DEPTOR: variants seen among roughly 807,000 people sequenced by gnomAD.
The protein encoded by DEPTOR is DEP domain containing MTOR interacting protein, also known as DEP domain-containing mTOR-interacting protein.
DEPTOR carries 41 observed loss-of-function variants against 41.6 expected under a neutral mutation model. The ratio of observed to expected loss-of-function variants is 0.98; its 90% confidence interval spans 0.77 to 1.28. The LOEUF (loss-of-function observed/expected upper bound fraction) is 1.28, where lower values mean the gene tolerates loss of function less well. DEPTOR is among the 50% of genes most tolerant of loss of function. The probability of loss-of-function intolerance (pLI) is 0.00; values close to 1 mark genes in which losing one functional copy is unlikely to be tolerated. For missense variants in DEPTOR, 514 were observed against 527.9 expected (o/e 0.97, Z 0.26); for synonymous variants, 195 against 192.3 (o/e 1.01, Z -0.12).
intron 1 of DEPTOR, among the ~76,000 whole-genome samples, chr8:119,912,897 T>A (rs6993186): frequency 0.22 from 33,398 of 152,084 alleles, 4,241 homozygotes; most frequent in African/African-American, 0.34. Flanking sequence ...GATCAGAATC[T>A]AGCTTTGTTT....
At chr8:119,959,561 CTG>C (rs1391158541) in intron 3 of DEPTOR, among the ~76,000 whole-genome samples, 2 of 150,788 alleles carry the variant, frequency 1.3e-5, no homozygotes, top group Non-Finnish European at 2.9e-5. Flanking sequence ...GAGTCTTGCT[CTG>C]TCACCCAGGC....
At chr8:119,971,670 C>T (rs1432157991) in intron 4 of DEPTOR, among the ~76,000 whole-genome samples, 1 of 152,130 alleles carries the variant, frequency 6.6e-6, no homozygotes, top group Non-Finnish European at 1.5e-5. Flanking sequence ...CTTTGGGGGA[C>T]ACAGAGGATT....
chr8:119,904,154 G>A (rs7461290), intron 1 of DEPTOR, among the ~76,000 whole-genome samples: 75,174 of 150,672 alleles, frequency 0.5, 20,439 homozygotes, highest in East Asian at 0.92. Flanking sequence ...GTCTAACTCC[G>A]TCTCCCAGGT....
At chr8:119,874,387 T>A (rs1034604467) in intron 1 of DEPTOR, 40 of 205,886 alleles carry the variant, frequency 1.9e-4, no homozygotes, top group African/African-American at 8.0e-4. Flanking sequence ...GCCCCTCTAC[T>A]CCTTGATAAA....
At chr8:119,917,966 T>C (rs1827836083) in intron 1 of DEPTOR, among the ~76,000 whole-genome samples, 1 of 152,230 alleles carries the variant, frequency 6.6e-6, no homozygotes, top group African/African-American at 2.4e-5. Flanking sequence ...CAGCACTTAA[T>C]TCTTTACCTT....
At chr8:119,974,082 GGAAGA>G (rs1350115125) in intron 4 of DEPTOR, among the ~76,000 whole-genome samples, 1 of 151,866 alleles carries the variant, frequency 6.6e-6, no homozygotes, top group African/African-American at 2.4e-5. Context: ...GGGAAAAAGG[GGAAGA>G]GGAGAGGGAA....
intron 1 of DEPTOR, among the ~76,000 whole-genome samples, chr8:119,889,578 G>C (rs868358381): frequency 2.0e-5 from 1 of 51,028 alleles, no homozygotes; most frequent in Non-Finnish European, 5.0e-5. Context: ...AGAGGAGACG[G>C]GAGGGGAGAG....
chr8:119,948,743 C>A (rs1828314545), intron 3 of DEPTOR, among the ~76,000 whole-genome samples: 1 of 151,962 alleles, frequency 6.6e-6, no homozygotes, highest in Non-Finnish European at 1.5e-5. Context: ...AAACATTAAT[C>A]TACTTTCTGT....
chr8:120,015,018 A>C (rs1201699690), intron 8 of DEPTOR, among the ~76,000 whole-genome samples: 2 of 151,984 alleles, frequency 1.3e-5, no homozygotes, highest in Non-Finnish European at 2.9e-5. Flanking sequence ...GTCAGGGAGA[A>C]TTTTTACATT....
chr8:119,963,292 A>T (rs549981237), intron 3 of DEPTOR, among the ~76,000 whole-genome samples: 1 of 152,000 alleles, frequency 6.6e-6, no homozygotes, highest in South Asian at 2.1e-4. Flanking sequence ...AAACCAATAG[A>T]GTGTGATTGA....
At chr8:119,976,510 T>C (rs954999420) in intron 4 of DEPTOR, among the ~76,000 whole-genome samples, 1 of 152,138 alleles carries the variant, frequency 6.6e-6, no homozygotes, top group African/African-American at 2.4e-5. Flanking sequence ...TTTCTTTGAA[T>C]AGAAGCAGCT....
At chr8:119,968,933 T>C (rs955986158) in intron 4 of DEPTOR, among the ~76,000 whole-genome samples, 3 of 151,894 alleles carry the variant, frequency 2.0e-5, no homozygotes, top group Admixed American at 2.0e-4. Context: ...GTCTCTACTA[T>C]AAAAACAAAA....
intron 4 of DEPTOR, among the ~76,000 whole-genome samples, chr8:119,995,750 G>A (rs1812250564): frequency 6.6e-6 from 1 of 152,124 alleles, no homozygotes; most frequent in Non-Finnish European, 1.5e-5. Flanking sequence ...AGCAGATGAA[G>A]GTGTCATATT....
chr8:119,983,487 C>T (rs746342737), intron 4 of DEPTOR, among the ~76,000 whole-genome samples: 3 of 152,044 alleles, frequency 2.0e-5, no homozygotes, highest in African/African-American at 4.8e-5. Context: ...CAGGTTCAAG[C>T]GATTCTCCTG....
chr8:119,997,183 G>A (rs1021542999), intron 4 of DEPTOR, among the ~76,000 whole-genome samples: 82 of 151,850 alleles, frequency 5.4e-4, no homozygotes, highest in African/African-American at 1.8e-3. Flanking sequence ...GGCCTCAAGC[G>A]ATCCTCCCAT....
At chr8:119,977,330 G>A (rs187660821) in intron 4 of DEPTOR, among the ~76,000 whole-genome samples, 172 of 152,026 alleles carry the variant, frequency 1.1e-3, no homozygotes, top group Non-Finnish European at 2.6e-4. Flanking sequence ...AGATGAAGAC[G>A]TTGAGGCATT....
At chr8:120,025,024 G>T (rs1362727299) in intron 8 of DEPTOR, among the ~76,000 whole-genome samples, 1 of 152,178 alleles carries the variant, frequency 6.6e-6, no homozygotes, top group Non-Finnish European at 1.5e-5. Context: ...CACTGTGGCA[G>T]GTACTGAGGA....
chr8:119,902,883 G>A (rs779306385), intron 1 of DEPTOR, among the ~76,000 whole-genome samples: 4 of 151,810 alleles, frequency 2.6e-5, no homozygotes, highest in Admixed American at 1.3e-4. Context: ...CTTGAGGGTC[G>A]TGCCACTTTG....
chr8:120,039,096 G>A (rs965398633), intron 8 of DEPTOR, among the ~76,000 whole-genome samples: 4 of 152,182 alleles, frequency 2.6e-5, no homozygotes, highest in Non-Finnish European at 5.9e-5. Context: ...GGTATTAGAA[G>A]GCAGGGCCTT....
Sources: gnomAD v4.1 joint callset for allele counts (sites outside exome capture counted in the v4.1 genomes callset) on GRCh38, gnomAD v4.1.1 for gene constraint, MANE v1.5 for transcripts, NCBI Gene and HGNC (gene_info 2026-07-23, HGNC 2026-07-21) for gene names.